Variants in CSMD1 observed in about 807,000 individuals in gnomAD.
CSMD1 encodes CUB and Sushi multiple domains 1.
In CSMD1, 213 loss-of-function variants were observed where a neutral mutation model predicts 417.5. The ratio of observed to expected loss-of-function variants is 0.51; its 90% confidence interval spans 0.46 to 0.57. CSMD1 has a LOEUF of 0.57. Ranked by LOEUF, CSMD1 falls within the 20% of genes least tolerant of loss-of-function variation. The pLI, the probability that CSMD1 is intolerant of heterozygous loss-of-function variation, is 0.00. For synonymous variants in CSMD1, 2,862 were observed against 1,736.8 expected (o/e 1.65, Z -16.11); for missense variants, 6,923 against 4,529.7 (o/e 1.53, Z -15.17).
At chr8:4,715,993 C>T (rs1808629381) in intron 1 of CSMD1, among the ~76,000 whole-genome samples, 1 of 152,130 alleles carries the variant, frequency 6.6e-6, no homozygotes, top group South Asian at 2.1e-4. Context: ...TTAAATCTTA[C>T]CAGTGGTCCA....
chr8:4,308,115 A>G (rs1345965415), intron 3 of CSMD1, among the ~76,000 whole-genome samples: 2 of 152,192 alleles, frequency 1.3e-5, no homozygotes, highest in African/African-American at 4.8e-5. Context: ...GAGGGTGGCA[A>G]AGCAGGAAGA....
At chr8:3,523,515 G>T (rs567875382) in intron 10 of CSMD1, among the ~76,000 whole-genome samples, 2 of 152,078 alleles carry the variant, frequency 1.3e-5, no homozygotes, top group South Asian at 2.1e-4. Flanking sequence ...GTGATCTGAC[G>T]TGAAAATATG....
chr8:3,569,289 C>A (rs566302198), intron 10 of CSMD1, among the ~76,000 whole-genome samples: 186 of 152,184 alleles, frequency 1.2e-3, no homozygotes, highest in Non-Finnish European at 1.5e-3. Flanking sequence ...ATGTGATGTG[C>A]ATTATTAGGG....
intron 2 of CSMD1, among the ~76,000 whole-genome samples, chr8:4,481,583 G>A (rs1652546): frequency 0.012 from 1,867 of 152,180 alleles, 35 homozygotes; most frequent in African/African-American, 0.043. Flanking sequence ...TATTTTTCAC[G>A]TGTGATCTCA....
intron 25 of CSMD1, among the ~76,000 whole-genome samples, chr8:3,287,666 T>C (rs1011247442): frequency 6.6e-6 from 1 of 152,178 alleles, no homozygotes; most frequent in Non-Finnish European, 1.5e-5. Flanking sequence ...TCCTGAGACT[T>C]TGCTGAAGTT....
chr8:4,634,629 G>A (rs1490585924), intron 2 of CSMD1, among the ~76,000 whole-genome samples: 1 of 152,144 alleles, frequency 6.6e-6, no homozygotes, highest in Non-Finnish European at 1.5e-5. Context: ...GAATTCTAGA[G>A]CTGCCTTAAG....
At chr8:4,116,381 G>C (rs530214836) in intron 3 of CSMD1, among the ~76,000 whole-genome samples, 55 of 152,222 alleles carry the variant, frequency 3.6e-4, no homozygotes, top group African/African-American at 1.2e-3. Flanking sequence ...CAAACCCATG[G>C]AATATACCAC....
intron 2 of CSMD1, among the ~76,000 whole-genome samples, chr8:4,489,456 A>G (rs550141283): frequency 3.3e-5 from 5 of 152,250 alleles, no homozygotes; most frequent in Non-Finnish European, 7.3e-5. Flanking sequence ...AAAACTATAA[A>G]ATGGGTGCTG....
intron 41 of CSMD1, among the ~76,000 whole-genome samples, chr8:3,139,346 A>C (rs1309996385): frequency 1.3e-5 from 2 of 152,150 alleles, no homozygotes; most frequent in Non-Finnish European, 2.9e-5. Context: ...TCAAGGAAGC[A>C]AAGAAAATAA....
intron 2 of CSMD1, among the ~76,000 whole-genome samples, chr8:4,447,186 A>G (rs141620225): frequency 1.4e-4 from 21 of 152,218 alleles, no homozygotes; most frequent in African/African-American, 3.9e-4. Context: ...TTATTTCCCA[A>G]TTATTATGGA....
chr8:3,707,067 C>A (rs17067088), intron 7 of CSMD1, among the ~76,000 whole-genome samples: 9,227 of 152,140 alleles, frequency 0.061, 303 homozygotes, highest in Middle Eastern at 0.068. Flanking sequence ...TCCTCTCTGC[C>A]TCTGAGGCCC....
chr8:4,118,785 A>T (rs1802308721), intron 3 of CSMD1, among the ~76,000 whole-genome samples: 1 of 152,246 alleles, frequency 6.6e-6, no homozygotes, highest in Admixed American at 6.5e-5. Context: ...ATAAAGACAC[A>T]TGCACATGTA....
chr8:4,958,909 A>G (rs943557709), intron 1 of CSMD1, among the ~76,000 whole-genome samples: 2 of 152,190 alleles, frequency 1.3e-5, no homozygotes, highest in South Asian at 2.1e-4. Context: ...AGGAAAGAAT[A>G]TTTTTAGAAA....
At chr8:4,562,331 A>G (rs777915613) in intron 2 of CSMD1, among the ~76,000 whole-genome samples, 1 of 152,198 alleles carries the variant, frequency 6.6e-6, no homozygotes, top group Admixed American at 6.5e-5. Flanking sequence ...GAGGCCCCCA[A>G]GAAATGGGAA....
intron 3 of CSMD1, among the ~76,000 whole-genome samples, chr8:4,052,417 G>T (rs1377608901): frequency 6.6e-6 from 1 of 152,098 alleles, no homozygotes; most frequent in Non-Finnish European, 1.5e-5. Flanking sequence ...GTTCCATATT[G>T]GAGATCCCAA....
intron 5 of CSMD1, among the ~76,000 whole-genome samples, chr8:3,905,266 C>T (rs1057027007): frequency 1.3e-5 from 2 of 152,074 alleles, no homozygotes; most frequent in African/African-American, 4.8e-5. Flanking sequence ...TTCTTTCATA[C>T]AAGAGTTAGG....
intron 21 of CSMD1, among the ~76,000 whole-genome samples, chr8:3,352,262 G>A (rs1047137382): frequency 2.0e-5 from 3 of 152,126 alleles, no homozygotes; most frequent in East Asian, 1.9e-4. Flanking sequence ...AAGGAACTAT[G>A]GGAGATGGGA....
intron 1 of CSMD1, among the ~76,000 whole-genome samples, chr8:4,868,992 AAAGAT>A (rs1178302032): frequency 6.6e-6 from 1 of 152,012 alleles, no homozygotes; most frequent in Admixed American, 6.6e-5. Context: ...TAGATGATAT[AAAGAT>A]AATATATATA....
intron 6 of CSMD1, among the ~76,000 whole-genome samples, chr8:3,733,815 T>C (rs1309611930): frequency 6.6e-6 from 1 of 152,188 alleles, no homozygotes. Context: ...AGAACTGTTT[T>C]TACTTTATTA....
Sources: allele counts gnomAD v4.1 joint callset (sites outside exome capture counted in the v4.1 genomes callset), GRCh38; gene constraint gnomAD v4.1.1; transcripts MANE v1.5; gene names NCBI Gene and HGNC (gene_info 2026-07-23, HGNC 2026-07-21).